CALD1: variants seen among roughly 807,000 people sequenced by gnomAD.
CALD1 encodes the protein caldesmon.
A neutral mutation model predicts 99.9 loss-of-function variants in CALD1; 33 were observed. The ratio of observed to expected loss-of-function variants is 0.33; its 90% CI spans 0.25 to 0.44. The LOEUF is 0.44. Ranked by LOEUF, CALD1 falls within the 20% of genes least tolerant of loss-of-function variation. The probability of loss-of-function intolerance (pLI) is 1.00; values close to 1 mark genes in which losing one functional copy is unlikely to be tolerated. For synonymous variants in CALD1, 310 were observed against 325.0 expected, an observed-to-expected ratio of 0.95 and a Z score of 0.50; for missense variants, 861 against 962.1, an observed-to-expected ratio of 0.89 and a Z score of 1.39.
chr7:134,786,597 T>A (rs942147096), intron 1 of CALD1, among the ~76,000 whole-genome samples: 2 of 151,382 alleles, frequency 1.3e-5, no homozygotes, highest in East Asian at 3.9e-4. Context: ...GGAACCTCTA[T>A]TTTTTTTTCA....
intron 3 of CALD1, among the ~76,000 whole-genome samples, chr7:134,881,365 T>C (rs1336987219): frequency 6.6e-6 from 1 of 152,162 alleles, no homozygotes; most frequent in African/African-American, 2.4e-5. Flanking sequence ...GAGCTAAATG[T>C]CCTCTAACTC....
intron 1 of CALD1, among the ~76,000 whole-genome samples, chr7:134,804,093 A>C (rs1412998947): frequency 6.6e-6 from 1 of 152,208 alleles, no homozygotes; most frequent in Non-Finnish European, 1.5e-5. Context: ...GGCTTCATTA[A>C]TGTTAGACAT....
chr7:134,755,364 C>T (rs1044076502), intron 1 of CALD1, among the ~76,000 whole-genome samples: 12 of 152,118 alleles, frequency 7.9e-5, no homozygotes, highest in Non-Finnish European at 1.5e-4. Flanking sequence ...TATTTTTTTT[C>T]ATTACTGGCG....
chr7:134,772,427 C>T (rs1270302026), intron 1 of CALD1, among the ~76,000 whole-genome samples: 2 of 152,100 alleles, frequency 1.3e-5, no homozygotes, highest in African/African-American at 2.4e-5. Flanking sequence ...TTTCCACGAG[C>T]CTAAACAACA....
intron 12 of CALD1, 46 bp from the exon 13 acceptor site, chr7:134,960,485 TAA>T (rs767272650): frequency 2.2e-5 from 24 of 1,111,696 alleles, no homozygotes; most frequent in Non-Finnish European, 6.8e-6. Flanking sequence ...CCTTCCCAGG[TAA>T]AGTTTACTTC....
chr7:134,721,043 C>T, the CALD1 span, among the ~76,000 whole-genome samples: 1 of 152,006 alleles, frequency 6.6e-6, no homozygotes, highest in Non-Finnish European at 1.5e-5. Flanking sequence ...CCTAACAGAC[C>T]CTCTGAATCT....
the CALD1 span, among the ~76,000 whole-genome samples, chr7:134,726,707 C>T: frequency 3.3e-5 from 5 of 151,808 alleles, no homozygotes; most frequent in African/African-American, 9.7e-5. Flanking sequence ...ACAACTCAAA[C>T]AGATGTGGTT....
At chr7:134,771,428 T>C (rs1176427841) in intron 1 of CALD1, among the ~76,000 whole-genome samples, 1 of 152,208 alleles carries the variant, frequency 6.6e-6, no homozygotes, top group African/African-American at 2.4e-5. Context: ...GGAGACACTC[T>C]TGATTCCTCT....
At position 134,910,725 on chromosome 7, in the gene CALD1, G is replaced by A. The variant is rs116321044; in HGVS notation, c.72-18029G>A. Among the ~76,000 whole-genome samples the A allele has an allele frequency of 5.8e-3, 878 of 152,216 alleles. 9 individuals are homozygous for A. The highest frequency in any genetic ancestry group is 0.02 in the African/African-American group (830 of 41,554). ...TCACTGGAAAACACCAGTTGACTCC[G>A]TTTGACTTTAGCACCTGATCATTGA... On this transcript the variant is annotated intron_variant, in intron 3 of 14. Transcript: ENST00000361675.
chr7:134,922,236 T>C (rs1164100017), intron 3 of CALD1, among the ~76,000 whole-genome samples: 3 of 152,232 alleles, frequency 2.0e-5, no homozygotes, highest in Non-Finnish European at 4.4e-5. Context: ...TCTTTTTCAT[T>C]CTCTCTGAGT....
At chr7:134,712,925 TGAA>T in the CALD1 span, among the ~76,000 whole-genome samples, 3 of 152,226 alleles carry the variant, frequency 2.0e-5, no homozygotes, top group South Asian at 2.1e-4. Context: ...TTTTATAATT[TGAA>T]CTAACGCAAT....
upstream of CALD1, among the ~76,000 whole-genome samples, chr7:134,739,567 C>G (rs1413271201): frequency 6.6e-6 from 1 of 152,184 alleles, no homozygotes. Context: ...CTGATGTGCA[C>G]TACTCCCAGG....
chr7:134,886,807 A>G (rs1361247600), intron 3 of CALD1, among the ~76,000 whole-genome samples: 2 of 152,200 alleles, frequency 1.3e-5, no homozygotes, highest in Non-Finnish European at 2.9e-5. Context: ...ATAGTTCTTT[A>G]GCTCTACTGC....
At chr7:134,811,574 T>C (rs982552957) in intron 1 of CALD1, among the ~76,000 whole-genome samples, 3 of 152,220 alleles carry the variant, frequency 2.0e-5, no homozygotes. Context: ...TGTGTTTTCA[T>C]CACACTTGAA....
rs1808957386 is a variant in CALD1, at chr7:134,970,288, T to C, written c.*1943T>C. On this transcript the variant is annotated 3_prime_UTR_variant, in exon 15 of 15. Transcript: ENST00000361675. ...AGGTAACATTGCTTTGTTGTACTTT[T>C]GAACAAGAGCTCCTCCTGATCACTA... is the stretch of plus-strand genomic sequence containing the variant. 3 of 152,258 alleles carry C rather than the reference T, an allele frequency of 2.0e-5. No individual in the cohort carries two copies. The highest frequency in any genetic ancestry group is 4.4e-5 in the Non-Finnish European group (3 of 68,042). The allele number at this position is 152,258 out of a possible 1,614,324, so 9.4% of individuals were successfully genotyped here. A position where few individuals can be genotyped will look rare whatever the true frequency, so the allele number is the denominator to read the frequency against.
Position 134,939,691 on chromosome 7 carries a change from A to G in CALD1, c.1387-1401A>G, listed in dbSNP as rs189272586. On this transcript the variant is annotated intron_variant, in intron 6 of 14. Transcript: ENST00000361675. ...AAAACATGCACTTTAGGCCAGGTGCAGTGGCTCACACCTGTAATCCCAGCA... is the reference window on the plus strand; with the variant it reads ...AAAACATGCACTTTAGGCCAGGTGCGGTGGCTCACACCTGTAATCCCAGCA... Among the ~76,000 whole-genome samples the G allele has an allele frequency of 2.7e-3, 405 of 152,302 alleles. 5 individuals carry two copies. The highest frequency in any genetic ancestry group is 9.3e-3 in the African/African-American group (387 of 41,568).
chr7:134,843,168 C>T lies in CALD1; in HGVS notation c.-129-716C>T, dbSNP rs796516254. ...TAGACTCAGCTTTCCCTGCAGAGAC[C>T]TTTGGCAACTGCTTCTGAGCCAGGG... On this transcript the variant is annotated intron_variant, in intron 1 of 14. Coordinates refer to ENST00000361675, the MANE Select transcript of CALD1 (RefSeq NM_033138.4). 2.0e-5 allele frequency among the ~76,000 whole-genome samples: 3 copies of T among 152,164 alleles called. No individual in the cohort carries two copies. The South Asian group carries it at 6.2e-4, about 32-fold the overall frequency.
At chr7:134,943,688 C>T (rs1563119558) in intron 7 of CALD1, among the ~76,000 whole-genome samples, 1 of 151,998 alleles carries the variant, frequency 6.6e-6, no homozygotes, top group East Asian at 1.9e-4. Context: ...AAAATAAGCA[C>T]CCACCACCCA....
chr7:134,726,023 A>G, the CALD1 span, among the ~76,000 whole-genome samples: 1 of 152,216 alleles, frequency 6.6e-6, no homozygotes, highest in African/African-American at 2.4e-5. Flanking sequence ...TTAAGCTACT[A>G]AATTTGGGTA....
Sources: allele counts gnomAD v4.1 joint callset (sites outside exome capture counted in the v4.1 genomes callset), GRCh38; gene constraint gnomAD v4.1.1; transcripts MANE v1.5; gene names NCBI Gene and HGNC (gene_info 2026-07-23, HGNC 2026-07-21).